Variants in CTNNA2 observed in about 807,000 individuals in gnomAD.
CTNNA2 encodes catenin alpha 2.
CTNNA2 carries 42 observed loss-of-function variants against 101.0 expected under a neutral mutation model. The observed-to-expected ratio is 0.42, with a 90% CI of 0.32 to 0.54. CTNNA2 has a LOEUF of 0.54. CTNNA2 is among the 20% of genes least tolerant of loss of function. CTNNA2 has a pLI of 0.14. For missense variants in CTNNA2, 871 were observed against 1,223.1 expected (o/e 0.71, Z 4.29); for synonymous variants, 450 against 456.4 (o/e 0.99, Z 0.18).
At position 80,648,646 on chromosome 2, in the gene CTNNA2, G is replaced by A. The variant is rs1674373587; in HGVS notation, c.*774G>A. The stretch of plus-strand genomic sequence containing the variant: ...TTTTGCTAGAAATAGAAGGCCCAGT[G>A]GTGGAATATTAGAGGGAAGGAAACT... On this transcript the variant is annotated 3_prime_UTR_variant, in exon 19 of 19. Transcript: ENST00000402739. 1 of 151,510 alleles carries A rather than the reference G, an allele frequency of 6.6e-6. No individual in the cohort carries two copies. Among genetic ancestry groups the A allele is most frequent in the African/African-American group, 2.4e-5 (1 of 41,242 alleles). 9.4% of individuals were successfully genotyped at this position (151,510 alleles called of 1,614,324 possible). A position where few individuals can be genotyped will look rare whatever the true frequency, so the allele number is the denominator to read the frequency against.
chr2:80,184,503 G>A (rs1705985242), intron 7 of CTNNA2, among the ~76,000 whole-genome samples: 1 of 152,062 alleles, frequency 6.6e-6, no homozygotes. Context: ...TTGAATCAGG[G>A]GCCAACTAGA....
intron 7 of CTNNA2, among the ~76,000 whole-genome samples, chr2:80,170,213 C>G (rs1404431476): frequency 2.7e-5 from 4 of 149,760 alleles, no homozygotes; most frequent in Non-Finnish European, 4.4e-5. Context: ...CTCTCTATCT[C>G]TCTCTCTCTC....
At chr2:80,104,758 T>C (rs1200646135) in intron 7 of CTNNA2, among the ~76,000 whole-genome samples, 1 of 152,236 alleles carries the variant, frequency 6.6e-6, no homozygotes, top group Non-Finnish European at 1.5e-5. Flanking sequence ...AACTTATTTG[T>C]CACTAAGGAG....
chr2:79,798,926 G>A (rs1675931062), intron 3 of CTNNA2, among the ~76,000 whole-genome samples: 2 of 152,118 alleles, frequency 1.3e-5, no homozygotes, highest in Non-Finnish European at 2.9e-5. Flanking sequence ...GTGTTCCAAG[G>A]TGATGCATGG....
chr2:79,601,510 G>A (rs1487874312), intron 1 of CTNNA2, among the ~76,000 whole-genome samples: 2 of 152,232 alleles, frequency 1.3e-5, no homozygotes, highest in Non-Finnish European at 2.9e-5. Context: ...GCCTGAGAGA[G>A]AGAGTCCACC....
intron 7 of CTNNA2, among the ~76,000 whole-genome samples, chr2:80,155,900 CT>C (rs1194434923): frequency 6.6e-6 from 1 of 152,212 alleles, no homozygotes; most frequent in Non-Finnish European, 1.5e-5. Context: ...CCTTGGGCTT[CT>C]GGAACTTTCA....
intron 3 of CTNNA2, among the ~76,000 whole-genome samples, chr2:79,752,965 A>G (rs1274342944): frequency 1.3e-5 from 2 of 152,222 alleles, no homozygotes; most frequent in Non-Finnish European, 2.9e-5. Flanking sequence ...GATAATCCCA[A>G]AAATGTTTTG....
intron 7 of CTNNA2, among the ~76,000 whole-genome samples, chr2:80,113,210 A>G (rs1306165248): frequency 2.6e-5 from 4 of 151,174 alleles, no homozygotes; most frequent in Non-Finnish European, 5.9e-5. Flanking sequence ...TTTGGGTTAT[A>G]CATATAATTT....
intron 9 of CTNNA2, among the ~76,000 whole-genome samples, chr2:80,506,238 G>A (rs141912348): frequency 7.9e-5 from 12 of 152,280 alleles, no homozygotes; most frequent in Middle Eastern, 3.4e-3. Context: ...TAGAGGAGTC[G>A]AGGAGGCTTC....
intron 7 of CTNNA2, among the ~76,000 whole-genome samples, chr2:80,018,014 TA>T (rs768941015): frequency 1.9e-4 from 29 of 152,212 alleles, no homozygotes; most frequent in Non-Finnish European, 3.7e-4. Flanking sequence ...TGTAATATTA[TA>T]AAATTTAAGC....
At chr2:80,410,668 A>G (rs896449306) in intron 8 of CTNNA2, among the ~76,000 whole-genome samples, 2 of 152,212 alleles carry the variant, frequency 1.3e-5, no homozygotes, top group African/African-American at 4.8e-5. Flanking sequence ...TAGTCAATTT[A>G]CAGAGGAATT....
At chr2:80,619,253 A>AT in intron 18 of CTNNA2, 25 bp downstream of exon 18, 1 of 1,496,010 alleles carries the variant, frequency 6.7e-7, no homozygotes, top group South Asian at 1.4e-5. Flanking sequence ...TTTCTAATCT[A>AT]ATGTCTTTCA....
intron 15 of CTNNA2, among the ~76,000 whole-genome samples, chr2:80,589,860 CTGTGTGTGTGTGTGTGTGTG>C (rs59206973): frequency 1.2e-4 from 17 of 140,578 alleles, no homozygotes; most frequent in Admixed American, 3.6e-4. Flanking sequence ...ATATGTACCT[CTGTGTGTGTGTGTGTGTGTG>C]TGTGTGTGTG....
chr2:80,384,261 C>T (rs2149353588), intron 7 of CTNNA2, among the ~76,000 whole-genome samples: 1 of 152,042 alleles, frequency 6.6e-6, no homozygotes, highest in Non-Finnish European at 1.5e-5. Flanking sequence ...TGTAGGTGAA[C>T]TTATGTCACA....
In CTNNA2 at chr2:79,500,004, G is replaced by T. The variant is rs367660661; in HGVS notation, c.-134-5050G>T. Among the ~76,000 whole-genome samples the T allele has an allele frequency of 6.6e-5, 10 of 152,236 alleles. No individual in the cohort carries two copies. The South Asian group carries it at 1.5e-3, about 22-fold the overall frequency. On this transcript the variant is annotated intron_variant, in intron 4 of 21. Coordinates refer to the CTNNA2 transcript ENST00000466387. The stretch of plus-strand genomic sequence containing the variant: ...AGATTTCCCTTTTTGTTCTATTCAG[G>T]CTTTCAGCTGATTGGATGAGGACCA...
At chr2:80,510,510 T>G (rs1688623830) in intron 9 of CTNNA2, among the ~76,000 whole-genome samples, 1 of 152,216 alleles carries the variant, frequency 6.6e-6, no homozygotes, top group African/African-American at 2.4e-5. Flanking sequence ...AAGACCCAGC[T>G]CAACAATCAC....
chr2:80,294,465 T>C (rs1273878984), intron 7 of CTNNA2, among the ~76,000 whole-genome samples: 3 of 151,396 alleles, frequency 2.0e-5, no homozygotes, highest in Non-Finnish European at 4.4e-5. Flanking sequence ...CCTGACCCCA[T>C]GGAGCCCTGA....
At chr2:79,599,378 T>G (rs551509468) in intron 1 of CTNNA2, among the ~76,000 whole-genome samples, 14 of 152,286 alleles carry the variant, frequency 9.2e-5, no homozygotes, top group African/African-American at 2.9e-4. Context: ...AAATATTTAG[T>G]CTGCTTCTCT....
intron 3 of CTNNA2, among the ~76,000 whole-genome samples, chr2:79,831,335 G>C (rs1678908720): frequency 6.6e-6 from 1 of 151,974 alleles, no homozygotes; most frequent in African/African-American, 2.4e-5. Context: ...TTTTAAATCT[G>C]TTTTTCAAAT....
Sources: gnomAD v4.1 joint callset for allele counts (sites outside exome capture counted in the v4.1 genomes callset) on GRCh38, gnomAD v4.1.1 for gene constraint, MANE v1.5 for transcripts, NCBI Gene and HGNC (gene_info 2026-07-23, HGNC 2026-07-21) for gene names.